The following ERICH1 variants were observed in gnomAD, a reference collection of about 807,000 sequenced individuals.
The protein encoded by ERICH1 is glutamate rich 1.
Under a neutral mutation model 39.6 loss-of-function variants are expected in ERICH1, and 56 were observed. That is an observed-to-expected ratio of 1.41 (90% CI 1.14 to 1.77). The LOEUF (loss-of-function observed/expected upper bound fraction) is 1.77, where lower values mean the gene tolerates loss of function less well. ERICH1 is among the 40% of genes most tolerant of loss of function. ERICH1 has a pLI of 0.00. For missense variants in ERICH1, 826 were observed against 575.4 expected, an observed-to-expected ratio of 1.44 and a Z score of -4.45; for synonymous variants, 313 against 223.6, an observed-to-expected ratio of 1.40 and a Z score of -3.57.
At chr8:623,676 G>C (rs1797421610) in intron 3 of ERICH1, among the ~76,000 whole-genome samples, 1 of 152,128 alleles carries the variant, frequency 6.6e-6, no homozygotes, top group African/African-American at 2.4e-5. Flanking sequence ...AATAAATGAT[G>C]CTGGAACAAG....
intron 3 of ERICH1, chr8:640,465 C>T (rs547911934): frequency 3.3e-5 from 5 of 152,232 alleles, no homozygotes; most frequent in Non-Finnish European, 1.5e-5. Context: ...TCAGATGGCA[C>T]AACTTGTTTG....
At chr8:715,733 G>A in intron 2 of ERICH1, 128 bp downstream of exon 2, 1 of 1,281,238 alleles carries the variant, frequency 7.8e-7, no homozygotes, top group Non-Finnish European at 1.1e-6. Flanking sequence ...CTGCCCACCT[G>A]CTGCAGGCCC....
At chr8:677,993 T>A (rs1328248370) in intron 3 of ERICH1, among the ~76,000 whole-genome samples, 4 of 152,202 alleles carry the variant, frequency 2.6e-5, no homozygotes, top group African/African-American at 9.7e-5. Context: ...GGTTGCCCTG[T>A]TGAGATCGAC....
At chr8:635,271 G>A (rs1383838657) in intron 3 of ERICH1, among the ~76,000 whole-genome samples, 1 of 152,192 alleles carries the variant, frequency 6.6e-6, no homozygotes, top group Admixed American at 6.5e-5. Context: ...AGTTGCGTCA[G>A]GTCCATAGAG....
At chr8:651,301 G>C (rs909944441) in intron 3 of ERICH1, among the ~76,000 whole-genome samples, 3 of 152,194 alleles carry the variant, frequency 2.0e-5, no homozygotes, top group Non-Finnish European at 4.4e-5. Context: ...CACTGGGTTG[G>C]GTGGGAGTGG....
intron 2 of ERICH1, among the ~76,000 whole-genome samples, chr8:693,339 T>C (rs1330690643): frequency 1.3e-5 from 2 of 152,264 alleles, no homozygotes; most frequent in South Asian, 2.1e-4. Context: ...GTATCTTACA[T>C]GTAAAATATA....
At chr8:683,018 T>G (rs953445446) in intron 3 of ERICH1, among the ~76,000 whole-genome samples, 15 of 152,220 alleles carry the variant, frequency 9.9e-5, no homozygotes, top group Admixed American at 6.5e-5. Context: ...TTCCAGTTGC[T>G]GAGTGTGTTG....
intron 3 of ERICH1, among the ~76,000 whole-genome samples, chr8:620,071 T>A (rs1797183504): frequency 6.6e-6 from 1 of 151,526 alleles, no homozygotes; most frequent in African/African-American, 2.4e-5. Context: ...CCCAGCACTT[T>A]GGGAGGCCAA....
chr8:664,897 T>G (rs1351703059), intron 5 of ERICH1, among the ~76,000 whole-genome samples: 1 of 152,214 alleles, frequency 6.6e-6, no homozygotes, highest in Non-Finnish European at 1.5e-5. Context: ...ATTCTGAATA[T>G]TTGTATTTCA....
At chr8:668,460 G>A (rs1468942610) in intron 5 of ERICH1, 138 bp downstream of exon 5, 1 of 771,928 alleles carries the variant, frequency 1.3e-6, no homozygotes, top group Non-Finnish European at 2.2e-6. Flanking sequence ...TTCTCTCTGG[G>A]ACTCTATTCT....
chr8:689,948 A>G (rs1331932868), intron 3 of ERICH1, among the ~76,000 whole-genome samples: 1 of 152,044 alleles, frequency 6.6e-6, no homozygotes, highest in Non-Finnish European at 1.5e-5. Flanking sequence ...TTCGCCTGCT[A>G]AATGTGGCTG....
intron 3 of ERICH1, among the ~76,000 whole-genome samples, chr8:623,311 AG>A (rs1283615620): frequency 2.6e-5 from 4 of 152,338 alleles, no homozygotes; most frequent in African/African-American, 7.2e-5. Flanking sequence ...CAATAGACGC[AG>A]GAAAGAAATT....
intron 3 of ERICH1, among the ~76,000 whole-genome samples, chr8:653,345 T>C (rs1800215729): frequency 6.6e-6 from 1 of 152,210 alleles, no homozygotes; most frequent in South Asian, 2.1e-4. Context: ...ACTGAAAACC[T>C]AATTCAGGAG....
intron 1 of ERICH1, chr8:725,787 C>G (rs112408711): frequency 6.5e-6 from 1 of 152,794 alleles, no homozygotes; most frequent in Admixed American, 6.5e-5. Context: ...CTGGCTGGCA[C>G]GGCGCCTCTT....
At chr8:648,712 T>G (rs1397946072) in intron 3 of ERICH1, among the ~76,000 whole-genome samples, 1 of 68,702 alleles carries the variant, frequency 1.5e-5, no homozygotes, top group Non-Finnish European at 4.5e-5. Context: ...CATGCTTCTG[T>G]GTTTTGCATT....
Position 664,458 on chromosome 8 carries a change from C to T in ERICH1, c.*145G>A, listed in dbSNP as rs1315157719. The T allele has an allele frequency of 7.8e-7, 1 of 1,273,914 alleles. No individual in the cohort carries two copies. The highest frequency in any genetic ancestry group is 9.9e-7 in the Non-Finnish European group (1 of 1,007,944). 78.9% of individuals were successfully genotyped at this position (1,273,914 alleles called of 1,614,324 possible). A position where few individuals can be genotyped will look rare whatever the true frequency, so the allele number is the denominator to read the frequency against. On this transcript the variant is annotated 3_prime_UTR_variant, in exon 6 of 6. Coordinates refer to ENST00000262109, the MANE Select transcript of ERICH1 (RefSeq NM_207332.3). ...TCTCATCTGAAGCCTCAGATGGCAT[C>T]TTGCCCACCAGGAACAAACACGTGA...
rs1229411522 is a variant in ERICH1 at position 627,289 on chromosome 8, A to G, written c.977-12005T>C. The G allele has an allele frequency of 1.1e-5, 5 of 444,636 alleles. No homozygotes were observed. In the East Asian group the frequency reaches 2.9e-4, roughly 25 times the overall value. The allele number at this position is 444,636 out of a possible 1,614,324, so 27.5% of individuals were successfully genotyped here. On this transcript the variant is annotated intron_variant, in intron 3 of 3. Transcript: ENST00000522706. ...ACCTTACAGGATTGAAAAGGGGTGT[A>G]TAACAGGCCAGGGGCTGGCAGACGA...
At chr8:621,902 T>G (rs1056952579) in intron 3 of ERICH1, among the ~76,000 whole-genome samples, 1 of 151,976 alleles carries the variant, frequency 6.6e-6, no homozygotes, top group African/African-American at 2.4e-5. Context: ...CTAAAACAAT[T>G]AGAGATTAAA....
Position 673,386 on chromosome 8 carries a change from A to ACCGTCCT in ERICH1, c.959_965dup (p.Ala323GlyfsTer10). 1.2e-6 allele frequency: 2 copies of ACCGTCCT among 1,614,070 alleles called. No homozygotes were observed. Among genetic ancestry groups the ACCGTCCT allele is most frequent in the Non-Finnish European group, 1.7e-6 (2 of 1,179,984 alleles). On this transcript the variant is annotated frameshift_variant, in exon 4 of 6. Transcript: ENST00000262109. LOFTEE classifies it high-confidence loss of function. ...TATCATCTTCCTCGCTGGCGTCTGC[A>ACCGTCCT]CCGTCCTCCTCCCCGGAGTCTGCAC...
Sources: allele counts gnomAD v4.1 joint callset (sites outside exome capture counted in the v4.1 genomes callset), GRCh38; gene constraint gnomAD v4.1.1; transcripts MANE v1.5; gene names NCBI Gene and HGNC (gene_info 2026-07-23, HGNC 2026-07-21).